RIPOR1: variants seen among roughly 807,000 people sequenced by gnomAD.
RIPOR1 encodes the protein rho family-interacting cell polarization regulator 1.
RIPOR1 carries 58 observed loss-of-function variants against 116.5 expected under a neutral mutation model. That is an observed-to-expected ratio of 0.50 (90% CI 0.40 to 0.62). The LOEUF is 0.62. RIPOR1 is among the 20% of genes least tolerant of loss of function. The pLI is 0.00. For synonymous variants in RIPOR1, 605 were observed against 650.0 expected (o/e 0.93, Z 1.05); for missense variants, 1,372 against 1,586.2 (o/e 0.86, Z 2.29).
In RIPOR1 at chr16:67,532,505, G is replaced by A. The variant is rs913690688; in HGVS notation, c.-24+3591G>A. Among the ~76,000 whole-genome samples the A allele has an allele frequency of 1.1e-4, 16 of 151,810 alleles. No homozygotes were observed. The South Asian group carries it at 2.5e-3, about 24-fold the overall frequency. On this transcript the variant is annotated intron_variant, in intron 1 of 21. Coordinates refer to ENST00000042381, the MANE Select transcript of RIPOR1 (RefSeq NM_024519.4). ...TTAGGTATAGTGAGTCCACCTCAAC[G>A]TCCCTACCCCACATACAATTCTCCC... is the stretch of plus-strand genomic sequence containing the variant.
chr16:67,525,328 C>T (rs1411043711), upstream of RIPOR1, among the ~76,000 whole-genome samples: 2 of 152,190 alleles, frequency 1.3e-5, no homozygotes, highest in African/African-American at 4.8e-5. Context: ...AGGGAGATCT[C>T]ACCTCTGGTC....
Position 67,538,498 on chromosome 16 carries a change from A to G in RIPOR1, c.52A>G (p.Asn18Asp). Residue 18 changes from asparagine (N) to aspartate (D), a missense_variant, in exon 2 of 22, where the codon AAT becomes GAT. Physicochemically the swap from Asn to Asp is conservative, Grantham distance 23 (BLOSUM62 1). This residue lies in a region of RIPOR1 where 165 missense variants were observed against 145.5 expected (regional missense o/e 1.13). Transcript: ENST00000042381. ...GCGCCGTCTGCTCAGCGCCCGGGTCAATAGGAGCCAGTCCTTCGCAGGCGT... is the reference window on the plus strand; with the variant it reads ...GCGCCGTCTGCTCAGCGCCCGGGTCGATAGGAGCCAGTCCTTCGCAGGCGT... ...PQRRLLSARV[N>D]RSQSFAGVLG... 5 of 1,611,996 alleles carry G rather than the reference A, an allele frequency of 3.1e-6. No individual in the cohort carries two copies. Among genetic ancestry groups the G allele is most frequent in the South Asian group, 1.1e-5 (1 of 90,984 alleles).
intron 1 of RIPOR1, among the ~76,000 whole-genome samples, chr16:67,520,353 C>T (rs1180034943): frequency 1.3e-5 from 2 of 148,682 alleles, no homozygotes; most frequent in Non-Finnish European, 3.0e-5. Flanking sequence ...TGCACTCCAA[C>T]CTGGTGACAG....
intron 1 of RIPOR1, among the ~76,000 whole-genome samples, chr16:67,522,577 T>C (rs1261799780): frequency 6.6e-6 from 1 of 151,996 alleles, no homozygotes; most frequent in Non-Finnish European, 1.5e-5. Context: ...CCTCATGATC[T>C]GCCCGCCTCA....
rs2050992181 is a variant in RIPOR1 at position 67,541,739 on chromosome 16, A to G, written c.1037A>G (p.Gln346Arg). The G allele has an allele frequency of 6.2e-7, 1 of 1,614,068 alleles. No individual in the cohort carries two copies. The highest frequency in any genetic ancestry group is 8.5e-7 in the Non-Finnish European group (1 of 1,179,970). The change falls in exon 12 of 22, where the codon CAG becomes CGG. Residue 346 changes from glutamine (Q) to arginine (R), a missense_variant. Transcript: ENST00000042381. The surrounding 1 kb of genome is among the most constrained non-coding windows in gnomAD (Gnocchi z 4.6). ...TVTKRFSTYSQSPPDTPSLRE... is the reference protein window; with the variant it reads ...TVTKRFSTYSRSPPDTPSLRE... ...ACCAAGCGCTTCTCCACCTATAGCC[A>G]GAGCCCACCGGACACACCCTCACTT...
In RIPOR1 at chr16:67,541,429, G is replaced by A; in HGVS notation, c.802-1G>A. On this transcript the variant is annotated splice_acceptor_variant, in intron 10 of 21. Transcript: ENST00000042381. LOFTEE classifies it high-confidence loss of function. The surrounding 1 kb of genome is among the most constrained non-coding windows in gnomAD (Gnocchi z 4.6). ...ACCCTACCATGCACTCTTGGCTACA[G>A]GTGACAGAACTGAAGGGCCTGGCCA... 2 of 1,613,454 alleles carry A rather than the reference G, an allele frequency of 1.2e-6. No homozygotes were observed. Among genetic ancestry groups the A allele is most frequent in the Non-Finnish European group, 1.7e-6 (2 of 1,179,618 alleles).
intron 1 of RIPOR1, among the ~76,000 whole-genome samples, chr16:67,534,833 T>TCC (rs2050751184): frequency 6.8e-6 from 1 of 147,104 alleles, no homozygotes; most frequent in South Asian, 2.1e-4. Context: ...TTTTCTTTTT[T>TCC]TCTTTTTTTT....
rs1225230769 is a variant in RIPOR1, at chr16:67,531,742, C to A, written c.-24+2828C>A. ...CAAATCCTGAAGGGCCTACGTGGGT[C>A]ATGTTAGAGAGTCTGGGCTTTCTCC... On this transcript the variant is annotated intron_variant, in intron 1 of 21. Transcript: ENST00000042381. This position sits in a 1 kb window ranked among gnomAD's most constrained non-coding sequence, Gnocchi z 4.2. 2 of 368,388 alleles carry A rather than the reference C, an allele frequency of 5.4e-6. No homozygotes were observed. Among genetic ancestry groups the A allele is most frequent in the African/African-American group, 4.3e-5 (2 of 46,912 alleles). The allele number at this position is 368,388 out of a possible 1,614,324, so 22.8% of individuals were successfully genotyped here.
At position 67,545,818 on chromosome 16, in the gene RIPOR1, C is replaced by T. The variant is rs770226437; in HGVS notation, c.3345C>T (p.Thr1115=). 6 of 1,610,044 alleles carry T rather than the reference C, an allele frequency of 3.7e-6. No homozygotes were observed. Among genetic ancestry groups the T allele is most frequent in the Non-Finnish European group, 5.1e-6 (6 of 1,177,940 alleles). The change falls in exon 19 of 22, where the codon ACC becomes ACT. Residue 1115 remains threonine, a synonymous_variant. Transcript: ENST00000042381. The surrounding 1 kb of genome is among the most constrained non-coding windows in gnomAD (Gnocchi z 4.8). ...ACAAGGTCATGGCTGCTGTCAGCAC[C>T]CAGCTCCGGAGCCTGTCACTGGGCC... ...GNNKVMAAVS[T]QLRSLSLGPT...
Position 67,542,322 on chromosome 16 carries a change from A to G in RIPOR1, c.1536A>G (p.Thr512=), listed in dbSNP as rs984135468. 5 of 1,613,720 alleles carry G rather than the reference A, an allele frequency of 3.1e-6. No individual in the cohort carries two copies. In the African/African-American group the frequency reaches 6.7e-5, roughly 22 times the overall value. The change falls in exon 13 of 22, where the codon ACA becomes ACG. Residue 512 remains threonine, a synonymous_variant. Transcript: ENST00000042381. The surrounding 1 kb of genome is among the most constrained non-coding windows in gnomAD (Gnocchi z 4.6). The part of the protein sequence containing the change: ...HSATSSTLGT[T]GSVPTSTDPA... ...CCACAAGCTCTACCCTCGGTACAACAGGCTCTGTCCCCACATCTACAGACC... is the reference window on the plus strand; with the variant it reads ...CCACAAGCTCTACCCTCGGTACAACGGGCTCTGTCCCCACATCTACAGACC...
Position 67,538,766 on chromosome 16 carries a change from A to T in RIPOR1, c.199A>T (p.Lys67Ter). Residue 67 changes from lysine to a stop codon, truncating the protein, a stop_gained, in exon 3 of 22, where the codon AAG (lysine) becomes TAG (stop). Transcript: ENST00000042381. LOFTEE classifies it high-confidence loss of function. ...GTTTTCCGTGGCTCACCCAGCCGCC[A>T]AGGTGCCGCAGCCCGAGCGGCTGGA... Reference protein sequence around the residue: ...RMFSVAHPAAKVPQPERLDLV... With the variant: ...RMFSVAHPAA 1 of 1,613,500 alleles carries T rather than the reference A, an allele frequency of 6.2e-7. No individual in the cohort carries two copies. Among genetic ancestry groups the T allele is most frequent in the Non-Finnish European group, 8.5e-7 (1 of 1,179,942 alleles).
At position 67,545,812 on chromosome 16, in the gene RIPOR1, C is replaced by A. The variant is rs1337408326; in HGVS notation, c.3339C>A (p.Val1113=). 1 of 1,610,740 alleles carries A rather than the reference C, an allele frequency of 6.2e-7. No individual in the cohort carries two copies. Among genetic ancestry groups the A allele is most frequent in the East Asian group, 2.2e-5 (1 of 44,864 alleles). Reference sequence around the variant, plus strand: ...GCAACAACAAGGTCATGGCTGCTGTCAGCACCCAGCTCCGGAGCCTGTCAC... The same window carrying A: ...GCAACAACAAGGTCATGGCTGCTGTAAGCACCCAGCTCCGGAGCCTGTCAC... ...VHGNNKVMAA[V]STQLRSLSLG... The change falls in exon 19 of 22, where the codon GTC becomes GTA. Residue 1113 remains valine, a synonymous_variant. Coordinates refer to ENST00000042381, the MANE Select transcript of RIPOR1 (RefSeq NM_024519.4). This position sits in a 1 kb window ranked among gnomAD's most constrained non-coding sequence, Gnocchi z 4.8.
At chr16:67,535,223 G>C (rs1288464839) in intron 1 of RIPOR1, among the ~76,000 whole-genome samples, 1 of 152,218 alleles carries the variant, frequency 6.6e-6, no homozygotes, top group Non-Finnish European at 1.5e-5. Flanking sequence ...AAAGGAGAAA[G>C]ATGACTAGGG....
At position 67,544,401 on chromosome 16, in the gene RIPOR1, G is replaced by A. The variant is rs777321395; in HGVS notation, c.2703G>A (p.Arg901=). 9 of 1,612,286 alleles carry A rather than the reference G, an allele frequency of 5.6e-6. No homozygotes were observed. In the East Asian group the frequency reaches 1.8e-4, roughly 32 times the overall value. ...GCPALDAALV[R]HLYHCSRLLL... ...CAGCTCTGGATGCTGCCTTGGTCCG[G>A]CACCTGTACCACTGCAGTCGCCTCC... Residue 901 remains arginine, a synonymous_variant, in exon 15 of 22, where the codon CGG becomes CGA. Transcript: ENST00000042381. The surrounding 1 kb of genome is among the most constrained non-coding windows in gnomAD (Gnocchi z 5.1).
chr16:67,531,760 C>T lies in RIPOR1; in HGVS notation c.-24+2846C>T. The T allele has an allele frequency of 2.9e-6, 1 of 339,318 alleles. No homozygotes were observed. 21.0% of individuals were successfully genotyped at this position (339,318 alleles called of 1,614,324 possible). On this transcript the variant is annotated intron_variant, in intron 1 of 21. Coordinates refer to ENST00000042381, the MANE Select transcript of RIPOR1 (RefSeq NM_024519.4). The surrounding 1 kb of genome is among the most constrained non-coding windows in gnomAD (Gnocchi z 4.2). ...CGTGGGTCATGTTAGAGAGTCTGGGCTTTCTCCCTGGGACAAGAGTGGCTG... is the reference window on the plus strand; with the variant it reads ...CGTGGGTCATGTTAGAGAGTCTGGGTTTTCTCCCTGGGACAAGAGTGGCTG...
In RIPOR1 at chr16:67,537,322, AT is replaced by A; in HGVS notation, c.-23-1100del. 1 of 1,156,058 alleles carries A rather than the reference AT, an allele frequency of 8.7e-7. No individual in the cohort carries two copies. The highest frequency in any genetic ancestry group is 1.1e-6 in the Non-Finnish European group (1 of 923,120). The allele number at this position is 1,156,058 out of a possible 1,614,324, so 71.6% of individuals were successfully genotyped here. On this transcript the variant is annotated intron_variant, in intron 1 of 21. Transcript: ENST00000042381. This position sits in a 1 kb window ranked among gnomAD's most constrained non-coding sequence, Gnocchi z 4.6. ...CCCATGCTCAAATCCCTTTACGCAC[AT>A]TGCTGACCCCAGCTGAGCAGACCCC... is the stretch of plus-strand genomic sequence containing the variant.
Position 67,545,874 on chromosome 16 carries a change from G to A in RIPOR1, c.3387+14G>A. The A allele has an allele frequency of 6.2e-7, 1 of 1,609,770 alleles. No homozygotes were observed. On this transcript the variant is annotated intron_variant, in intron 19 of 21. Coordinates refer to ENST00000042381, the MANE Select transcript of RIPOR1 (RefSeq NM_024519.4). This position sits in a 1 kb window ranked among gnomAD's most constrained non-coding sequence, Gnocchi z 4.8. ...TTCCGGGAGAGGGTGAGTTGGACAGGGCTCCCTTGAGGGCGAGGGCTGGGG... is the reference window on the plus strand; with the variant it reads ...TTCCGGGAGAGGGTGAGTTGGACAGAGCTCCCTTGAGGGCGAGGGCTGGGG...
chr16:67,541,748 C>T lies in RIPOR1; in HGVS notation c.1046C>T (p.Pro349Leu), dbSNP rs1405354141. 10 of 1,614,108 alleles carry T rather than the reference C, an allele frequency of 6.2e-6. No homozygotes were observed. Among genetic ancestry groups the T allele is most frequent in the East Asian group, 4.5e-5 (2 of 44,878 alleles). ...TTCTCCACCTATAGCCAGAGCCCAC[C>T]GGACACACCCTCACTTCGGGAACAG... ...KRFSTYSQSP[P>L]DTPSLREQAF... The change falls in exon 12 of 22, where the codon CCG becomes CTG. Residue 349 changes from proline to leucine, a missense_variant. Transcript: ENST00000042381. This position sits in a 1 kb window ranked among gnomAD's most constrained non-coding sequence, Gnocchi z 4.6.
rs747173834 is a variant in RIPOR1 at position 67,542,092 on chromosome 16, G to A, written c.1306G>A (p.Val436Ile). 1 of 1,608,320 alleles carries A rather than the reference G, an allele frequency of 6.2e-7. No homozygotes were observed. Among genetic ancestry groups the A allele is most frequent in the Non-Finnish European group, 8.5e-7 (1 of 1,175,494 alleles). Reference protein sequence around the residue: ...PLDEEGAVAPVLANGHAPYSR... With the variant: ...PLDEEGAVAPILANGHAPYSR... ...GGATGAGGAGGGGGCCGTGGCCCCA[G>A]TCCTGGCAAATGGGCATGCACCCTA... is the stretch of plus-strand genomic sequence containing the variant. The change falls in exon 13 of 22, where the codon GTC becomes ATC. Residue 436 changes from valine to isoleucine, a missense_variant. By Grantham distance (29) the Val-to-Ile change is conservative. Transcript: ENST00000042381. The surrounding 1 kb of genome is among the most constrained non-coding windows in gnomAD (Gnocchi z 4.6).
Sources: gnomAD v4.1 joint callset for allele counts (sites outside exome capture counted in the v4.1 genomes callset) on GRCh38, gnomAD v4.1.1 for gene constraint, gnomAD v4.1.1 regional missense constraint, Gnocchi (gnomAD v3.1) non-coding constraint, MANE v1.5 for transcripts, NCBI Gene and HGNC (gene_info 2026-07-23, HGNC 2026-07-21) for gene names.